The following PTK2 variants were observed in gnomAD, a reference collection of about 807,000 sequenced individuals.
PTK2 encodes protein tyrosine kinase 2, also known as focal adhesion kinase 1.
Under a neutral mutation model 150.1 loss-of-function variants are expected in PTK2, and 45 were observed. The observed-to-expected ratio is 0.30, with a 90% CI of 0.24 to 0.38. The LOEUF (loss-of-function observed/expected upper bound fraction) is 0.38. Ranked by LOEUF, PTK2 falls within the 10% of genes least tolerant of loss-of-function variation. The pLI, the probability that PTK2 is intolerant of heterozygous loss-of-function variation, is 1.00. For missense variants in PTK2, 919 were observed against 1,307.3 expected (o/e 0.70, Z 4.58); for synonymous variants, 432 against 449.2 (o/e 0.96, Z 0.48).
intron 15 of PTK2, among the ~76,000 whole-genome samples, chr8:140,763,138 A>G (rs1370956692): frequency 6.6e-6 from 1 of 152,218 alleles, no homozygotes; most frequent in Non-Finnish European, 1.5e-5. Context: ...AAATGTACAC[A>G]CAAGTTTCAG....
At chr8:140,749,169 C>T (rs888967265) in intron 17 of PTK2, among the ~76,000 whole-genome samples, 1 of 151,972 alleles carries the variant, frequency 6.6e-6, no homozygotes, top group African/African-American at 2.4e-5. Flanking sequence ...CAAACATCAC[C>T]AACAAAAACC....
intron 1 of PTK2, among the ~76,000 whole-genome samples, chr8:140,956,759 A>G (rs375108789): frequency 2.6e-5 from 4 of 152,156 alleles, no homozygotes; most frequent in East Asian, 1.9e-4. Flanking sequence ...CATTTTAACA[A>G]AAAAGTTTAA....
At chr8:140,795,924 T>G (rs1220432334) in intron 12 of PTK2, among the ~76,000 whole-genome samples, 1 of 152,234 alleles carries the variant, frequency 6.6e-6, no homozygotes, top group African/African-American at 2.4e-5. Flanking sequence ...TCAATTCAAG[T>G]TCTATTTCCG....
chr8:140,997,222 G>A (rs574984577), intron 1 of PTK2, among the ~76,000 whole-genome samples: 10 of 152,292 alleles, frequency 6.6e-5, no homozygotes, highest in Non-Finnish European at 2.9e-5. Flanking sequence ...AAACTTGAAC[G>A]GATAAGGAGT....
chr8:140,839,483 A>C (rs1305475386), intron 7 of PTK2, among the ~76,000 whole-genome samples: 3 of 152,244 alleles, frequency 2.0e-5, no homozygotes, highest in African/African-American at 7.2e-5. Context: ...AACTTGAAGA[A>C]ATAAACGGCA....
rs2100068073 is a variant in PTK2, at chr8:140,759,551, A to AAAAAAG, written c.1332+1613_1332+1614insCTTTTT. Among the ~76,000 whole-genome samples the AAAAAAG allele has an allele frequency of 4.0e-5, 6 of 150,574 alleles. No individual in the cohort carries two copies. In the East Asian group the frequency reaches 7.8e-4, roughly 20 times the overall value. On this transcript the variant is annotated intron_variant, in intron 16 of 31. Transcript: ENST00000522684. ...GTCCTAAAAAAAAAAAAAAAAAAAA[A>AAAAAAG]AAAGAAAGAAAGAAAGAAAAAGTTG... is the stretch of plus-strand genomic sequence containing the variant.
intron 31 of PTK2, among the ~76,000 whole-genome samples, chr8:140,664,152 T>C (rs2085745281): frequency 6.6e-6 from 1 of 152,068 alleles, no homozygotes; most frequent in Non-Finnish European, 1.5e-5. Context: ...CCTAGCTACT[T>C]TTTGTATTTT....
chr8:140,854,467 G>A (rs1337072158), intron 5 of PTK2, among the ~76,000 whole-genome samples: 1 of 152,042 alleles, frequency 6.6e-6, no homozygotes, highest in Non-Finnish European at 1.5e-5. Context: ...AAAAATAAAC[G>A]TTACACGGTA....
At chr8:140,743,182 C>T (rs974270919) in intron 20 of PTK2, 48 bp downstream of exon 23, 5 of 1,249,902 alleles carry the variant, frequency 4.0e-6, no homozygotes, top group East Asian at 2.3e-5. Context: ...TTTAGAAATA[C>T]GTTAAAGATT....
intron 16 of PTK2, among the ~76,000 whole-genome samples, chr8:140,759,796 T>C (rs967541528): frequency 6.6e-6 from 1 of 151,946 alleles, no homozygotes. Flanking sequence ...TGAGCCATGA[T>C]TGCGTCACTG....
At chr8:140,768,549 G>A (rs2100073718) in intron 14 of PTK2, among the ~76,000 whole-genome samples, 1 of 152,138 alleles carries the variant, frequency 6.6e-6, no homozygotes, top group Non-Finnish European at 1.5e-5. Flanking sequence ...GGGCAAGGCT[G>A]GAGCCTAAGA....
intron 1 of PTK2, among the ~76,000 whole-genome samples, chr8:140,964,236 G>GT (rs1195012624): frequency 2.0e-5 from 3 of 152,136 alleles, no homozygotes; most frequent in East Asian, 3.9e-4. Context: ...TAATTTGCCT[G>GT]TTTTTTAAGA....
intron 1 of PTK2, among the ~76,000 whole-genome samples, chr8:140,931,675 C>T (rs891663405): frequency 2.0e-5 from 3 of 152,052 alleles, no homozygotes; most frequent in Admixed American, 6.5e-5. Flanking sequence ...TGACTCATGC[C>T]TGTAAACCCA....
intron 20 of PTK2, among the ~76,000 whole-genome samples, chr8:140,739,745 C>T (rs892827633): frequency 1.1e-4 from 16 of 152,196 alleles, no homozygotes; most frequent in African/African-American, 3.9e-4. Context: ...ACCTCTCCAA[C>T]CACCAGAGCC....
intron 3 of PTK2, among the ~76,000 whole-genome samples, chr8:140,880,051 G>A (rs1343724463): frequency 6.6e-6 from 1 of 152,070 alleles, no homozygotes; most frequent in Non-Finnish European, 1.5e-5. Context: ...TTCAAAAACA[G>A]GGAGATCATA....
At chr8:140,995,523 G>C (rs1019302913) in intron 1 of PTK2, among the ~76,000 whole-genome samples, 4 of 152,164 alleles carry the variant, frequency 2.6e-5, no homozygotes, top group African/African-American at 9.6e-5. Flanking sequence ...AACCAAGATA[G>C]GGCCGGGCAC....
chr8:140,717,759 ACAC>A (rs1564991077), intron 22 of PTK2, 50 bp from the exon 26 acceptor site: 2 of 1,436,146 alleles, frequency 1.4e-6, no homozygotes, highest in Admixed American at 3.3e-5. Flanking sequence ...CAGAGTTAGC[ACAC>A]ACTAGACCCC....
At chr8:140,902,934 T>TTG (rs2100159207) in intron 2 of PTK2, among the ~76,000 whole-genome samples, 5 of 134,240 alleles carry the variant, frequency 3.7e-5, no homozygotes, top group South Asian at 2.5e-4. Context: ...GTTTTTTTTT[T>TTG]TTTTTTTTTT....
At chr8:140,675,291 T>C (rs2100012978) in intron 28 of PTK2, 169 bp downstream of exon 31, 3 of 711,530 alleles carry the variant, frequency 4.2e-6, no homozygotes, top group African/African-American at 1.8e-5. Flanking sequence ...AAATTCTTTT[T>C]CCCAATACTC....
Sources: allele counts gnomAD v4.1 joint callset (sites outside exome capture counted in the v4.1 genomes callset), GRCh38; gene constraint gnomAD v4.1.1; transcripts MANE v1.5; gene names NCBI Gene and HGNC (gene_info 2026-07-23, HGNC 2026-07-21).